Variants in YEATS2 observed in about 807,000 individuals in gnomAD.
YEATS2 encodes the protein YEATS domain-containing protein 2.
YEATS2 carries 77 observed loss-of-function variants against 163.2 expected under a neutral mutation model. The ratio of observed to expected loss-of-function variants is 0.47; its 90% CI spans 0.39 to 0.57. The LOEUF (loss-of-function observed/expected upper bound fraction) is 0.57, where lower values mean the gene tolerates loss of function less well. Among genes scored for constraint, YEATS2 ranks in the 20% least tolerant of loss-of-function variants. YEATS2 has a pLI of 0.00. For missense variants in YEATS2, 1,549 were observed against 1,729.8 expected (o/e 0.90, Z 1.85); for synonymous variants, 631 against 645.1 (o/e 0.98, Z 0.33).
chr3:183,756,339 A>C (rs1276753279), intron 11 of YEATS2, among the ~76,000 whole-genome samples, 189 bp from the exon 12 acceptor site: 5 of 152,178 alleles, frequency 3.3e-5, no homozygotes, highest in Non-Finnish European at 5.9e-5. Flanking sequence ...GCAGAGCATG[A>C]AACATACATC....
In YEATS2 at chr3:183,752,056, G is replaced by A. The variant is rs753014533; in HGVS notation, c.970-17G>A. The A allele has an allele frequency of 2.5e-6, 4 of 1,613,310 alleles. No individual in the cohort carries two copies. Among genetic ancestry groups the A allele is most frequent in the South Asian group, 2.2e-5 (2 of 91,066 alleles). On this transcript the variant is annotated splice_polypyrimidine_tract_variant and intron_variant, in intron 9 of 30. Transcript: ENST00000305135. ...TGATGATGGACTCATGAGCCTGATTGTTGCCCAATTGTCTAGGTAGTGGAT... is the reference window on the plus strand; with the variant it reads ...TGATGATGGACTCATGAGCCTGATTATTGCCCAATTGTCTAGGTAGTGGAT...
intron 21 of YEATS2, chr3:183,793,017 A>G (rs1396983202): frequency 1.4e-6 from 1 of 721,430 alleles, no homozygotes; most frequent in African/African-American, 1.9e-5. Context: ...TTGTTTTTCT[A>G]TAATCTGGTA....
In YEATS2 at chr3:183,762,119, G is replaced by C. The variant is rs1402224921; in HGVS notation, c.1787G>C (p.Gly596Ala). 6.2e-7 allele frequency: 1 copy of C among 1,613,982 alleles called. No individual in the cohort carries two copies. Among genetic ancestry groups the C allele is most frequent in the African/African-American group, 1.3e-5 (1 of 74,890 alleles). The change falls in exon 15 of 31, where the codon GGT (glycine) becomes GCT (alanine). Residue 596 changes from glycine (G) to alanine (A), a missense_variant. Gly to Ala is a moderately conservative substitution (Grantham distance 60). Coordinates refer to ENST00000305135, the MANE Select transcript of YEATS2 (RefSeq NM_018023.5). Reference protein sequence around the residue: ...FTKVIIKQEPGEAPHVPATGA... With the variant: ...FTKVIIKQEPAEAPHVPATGA... ...AAGGTGATCATCAAACAGGAACCTG[G>C]TGAAGCCCCTCACGTGCCCGCAACA...
At chr3:183,777,737 G>T in intron 19 of YEATS2, 37 bp downstream of exon 19, 1 of 1,581,990 alleles carries the variant, frequency 6.3e-7, no homozygotes, top group South Asian at 1.2e-5. Context: ...AATATGGGGT[G>T]ATTATGGCAT....
At chr3:183,746,673 T>TA (rs201823659) in intron 8 of YEATS2, among the ~76,000 whole-genome samples, 1 of 151,688 alleles carries the variant, frequency 6.6e-6, no homozygotes, top group Admixed American at 6.6e-5. Context: ...TTTTTTTTTT[T>TA]AGCAGTCATA....
At chr3:183,721,506 A>G (rs562904944) in intron 4 of YEATS2, among the ~76,000 whole-genome samples, 2 of 152,310 alleles carry the variant, frequency 1.3e-5, no homozygotes, top group East Asian at 3.9e-4. Context: ...CATTTTATAT[A>G]TACAGCTTTT....
chr3:183,800,378 C>A, intron 23 of YEATS2, 88 bp from the exon 24 acceptor site: 1 of 928,530 alleles, frequency 1.1e-6, no homozygotes, highest in Non-Finnish European at 1.7e-6. Flanking sequence ...CCTTACTGAG[C>A]TTCACTGTAA....
intron 15 of YEATS2, among the ~76,000 whole-genome samples, chr3:183,763,073 TA>T (rs34593843): frequency 9.4e-5 from 14 of 148,836 alleles, no homozygotes; most frequent in Non-Finnish European, 1.8e-4. Context: ...ATTAAAAAAT[TA>T]AAAAAAAAAA....
rs748992624 is a variant in YEATS2, at chr3:183,803,288, G to A, written c.3535G>A (p.Val1179Met). The change falls in exon 26 of 31, where the codon GTG becomes ATG. Residue 1179 changes from valine to methionine, a missense_variant. Physicochemically the swap from Val to Met is conservative, Grantham distance 21. Coordinates refer to ENST00000305135, the MANE Select transcript of YEATS2 (RefSeq NM_018023.5). Reference sequence around the variant, plus strand: ...TGCCAGCTGCTTTTCTGCAAAGTCTGTGGAGCAGTACTATGGCTGGAACAT... The same window carrying A: ...TGCCAGCTGCTTTTCTGCAAAGTCTATGGAGCAGTACTATGGCTGGAACAT... Reference protein sequence around the residue: ...EDASCFSAKSVEQYYGWNIGK... With the variant: ...EDASCFSAKSMEQYYGWNIGK... 5.6e-6 allele frequency: 9 copies of A among 1,611,854 alleles called. No homozygotes were observed. In the African/African-American group the frequency reaches 1.1e-4, roughly 19 times the overall value.
intron 1 of YEATS2, among the ~76,000 whole-genome samples, chr3:183,709,980 C>T (rs188065395): frequency 1.5e-4 from 23 of 151,880 alleles, no homozygotes; most frequent in Admixed American, 4.6e-4. Flanking sequence ...ATGCCTGACC[C>T]GAGATAAAAA....
At chr3:183,806,461 C>G (rs1188717884) in intron 27 of YEATS2, 1 of 456,866 alleles carries the variant, frequency 2.2e-6, no homozygotes, top group Non-Finnish European at 4.4e-6. Flanking sequence ...GAAATGTTAA[C>G]AGTCCTGCTC....
At chr3:183,776,731 A>T (rs548652141) in intron 18 of YEATS2, among the ~76,000 whole-genome samples, 7 of 152,240 alleles carry the variant, frequency 4.6e-5, no homozygotes, top group Admixed American at 4.6e-4. Flanking sequence ...AGGCAGGCAG[A>T]TCACCTGAGG....
chr3:183,744,158 G>C (rs975042803), intron 8 of YEATS2, among the ~76,000 whole-genome samples: 4 of 137,774 alleles, frequency 2.9e-5, no homozygotes, highest in Non-Finnish European at 6.0e-5. Flanking sequence ...TGTTGCCCAG[G>C]CTGGAGGGAA....
intron 19 of YEATS2, among the ~76,000 whole-genome samples, 167 bp downstream of exon 19, chr3:183,777,867 C>A (rs1332992303): frequency 1.3e-5 from 2 of 151,830 alleles, no homozygotes. Flanking sequence ...CTTTGGGAAG[C>A]CAAGGTGGGT....
In YEATS2 at chr3:183,786,168, G is replaced by C; in HGVS notation, c.2780G>C (p.Ser927Thr). Residue 927 changes from serine to threonine, a missense_variant, in exon 20 of 31, where the codon AGC becomes ACC. Physicochemically the swap from Ser to Thr is moderately conservative, Grantham distance 58. Transcript: ENST00000305135. ...GQASLMKISD[S>T]TLKTVPATSQ... is the part of the protein sequence containing the mutation. ...GCATCTCTAATGAAAATATCCGATA[G>C]CACCTTGAAGACTGTGCCAGCCACC... 6.2e-7 allele frequency: 1 copy of C among 1,614,078 alleles called. No homozygotes were observed. The highest frequency in any genetic ancestry group is 1.3e-5 in the African/African-American group (1 of 75,038).
chr3:183,805,437 C>T (rs1161397948), intron 27 of YEATS2, among the ~76,000 whole-genome samples: 2 of 151,986 alleles, frequency 1.3e-5, no homozygotes, highest in African/African-American at 4.8e-5. Flanking sequence ...TGCCCCCAGC[C>T]CCATTTATAT....
At chr3:183,760,425 C>T (rs912536819) in intron 13 of YEATS2, among the ~76,000 whole-genome samples, 17 of 148,004 alleles carry the variant, frequency 1.1e-4, no homozygotes, top group Admixed American at 9.0e-4. Flanking sequence ...TGAGTTCAAG[C>T]GATTCTGCGG....
intron 21 of YEATS2, among the ~76,000 whole-genome samples, chr3:183,796,334 G>A (rs1026264098): frequency 6.6e-6 from 1 of 151,460 alleles, no homozygotes; most frequent in African/African-American, 2.4e-5. Flanking sequence ...TGTTTGTATT[G>A]TTTGTGCCTT....
chr3:183,754,250 A>C lies in YEATS2; in HGVS notation c.1275A>C (p.Ser425=). 6.2e-7 allele frequency: 1 copy of C among 1,614,170 alleles called. No homozygotes were observed. The highest frequency in any genetic ancestry group is 8.5e-7 in the Non-Finnish European group (1 of 1,180,022). Residue 425 remains serine (S), a synonymous_variant, in exon 11 of 31, where the codon TCA becomes TCC. Transcript: ENST00000305135. ...QKVTFCSHGN[S]AFQPIASSCK... ...TTACCTTTTGTTCCCATGGCAATTC[A>C]GCTTTCCAGCCAATAGCATCAAGCT... is the stretch of plus-strand genomic sequence containing the variant.
Sources: gnomAD v4.1 joint callset for allele counts (sites outside exome capture counted in the v4.1 genomes callset) on GRCh38, gnomAD v4.1.1 for gene constraint, MANE v1.5 for transcripts, NCBI Gene and HGNC (gene_info 2026-07-23, HGNC 2026-07-21) for gene names.